NTRK2: variants seen among roughly 807,000 people sequenced by gnomAD.
The protein encoded by NTRK2 is neurotrophic receptor tyrosine kinase 2.
A neutral mutation model predicts 94.5 loss-of-function variants in NTRK2; 13 were observed. The observed-to-expected ratio is 0.14, with a 90% CI of 0.09 to 0.22. The LOEUF (loss-of-function observed/expected upper bound fraction) is 0.22, where lower values mean the gene tolerates loss of function less well. NTRK2 is among the 10% of genes least tolerant of loss of function. NTRK2 has a pLI of 1.00. For missense variants in NTRK2, 639 were observed against 1,071.2 expected, an observed-to-expected ratio of 0.60 and a Z score of 5.63; for synonymous variants, 372 against 407.4, an observed-to-expected ratio of 0.91 and a Z score of 1.05.
intron 17 of NTRK2, among the ~76,000 whole-genome samples, chr9:84,987,054 G>A (rs1828406918): frequency 6.6e-6 from 1 of 152,156 alleles, no homozygotes; most frequent in African/African-American, 2.4e-5. Flanking sequence ...CTATAAATGG[G>A]ATCATATATT....
chr9:84,933,208 C>T (rs2078099738), intron 14 of NTRK2, among the ~76,000 whole-genome samples: 1 of 152,332 alleles, frequency 6.6e-6, no homozygotes, highest in Non-Finnish European at 1.5e-5. Context: ...CAAGACCCAG[C>T]GGAACTCCCG....
At chr9:84,995,136 C>T (rs1004891643) in intron 17 of NTRK2, among the ~76,000 whole-genome samples, 1 of 152,172 alleles carries the variant, frequency 6.6e-6, no homozygotes. Context: ...CTGCAAGGGC[C>T]TTCCCTAAGA....
intron 12 of NTRK2, among the ~76,000 whole-genome samples, chr9:84,838,168 A>G (rs529870042): frequency 6.6e-6 from 1 of 152,306 alleles, no homozygotes; most frequent in Non-Finnish European, 1.5e-5. Flanking sequence ...AGACAATATA[A>G]TGGCAAACGT....
intron 14 of NTRK2, among the ~76,000 whole-genome samples, chr9:84,879,105 C>T (rs945206032): frequency 6.6e-6 from 1 of 151,962 alleles, no homozygotes; most frequent in Non-Finnish European, 1.5e-5. Flanking sequence ...GTATGTGACT[C>T]TCCAGAGTGA....
At chr9:84,813,693 G>T (rs201618686) in intron 12 of NTRK2, 1 of 1,066,084 alleles carries the variant, frequency 9.4e-7, no homozygotes, top group Non-Finnish European at 1.1e-6. Context: ...TCCCTGGTTG[G>T]TCCTACTCCC....
chr9:84,697,080 C>T lies in NTRK2; in HGVS notation c.213-5079C>T, dbSNP rs529361436. 9.9e-5 allele frequency among the ~76,000 whole-genome samples: 15 copies of T among 152,248 alleles called. No homozygotes were observed. The South Asian group carries it at 2.7e-3, about 27-fold the overall frequency. Reference sequence around the variant, plus strand: ...AGGGCCAGGGACCCTGAGGGACTGACGAGGTGAGAGAAATTCCTAAGGAGT... The same window carrying T: ...AGGGCCAGGGACCCTGAGGGACTGATGAGGTGAGAGAAATTCCTAAGGAGT... On this transcript the variant is annotated intron_variant, in intron 2 of 18. Coordinates refer to ENST00000277120, the MANE Select transcript of NTRK2 (RefSeq NM_006180.6).
At chr9:84,793,994 T>C (rs1349117234) in intron 12 of NTRK2, among the ~76,000 whole-genome samples, 1 of 152,240 alleles carries the variant, frequency 6.6e-6, no homozygotes, top group Non-Finnish European at 1.5e-5. Flanking sequence ...ACCTCTTCTA[T>C]GCAAAATGGA....
At chr9:84,684,043 G>T (rs1280709305) in intron 2 of NTRK2, among the ~76,000 whole-genome samples, 28 of 151,040 alleles carry the variant, frequency 1.9e-4, no homozygotes, top group African/African-American at 5.8e-4. Flanking sequence ...TTTTTTATGG[G>T]TTTTTTTTTC....
chr9:84,845,501 G>A (rs1017520317), intron 12 of NTRK2, among the ~76,000 whole-genome samples: 5 of 152,200 alleles, frequency 3.3e-5, no homozygotes, highest in Non-Finnish European at 4.4e-5. Flanking sequence ...ATTTGACAAC[G>A]CTTAATTGTG....
At chr9:84,934,099 T>G in intron 14 of NTRK2, 63 bp from the exon 15 acceptor site, 1 of 1,603,150 alleles carries the variant, frequency 6.2e-7, no homozygotes, top group South Asian at 1.1e-5. Flanking sequence ...CACCAACTCT[T>G]CACCCGCTGC....
At position 84,955,728 on chromosome 9, in the gene NTRK2, G is replaced by A. The variant is rs73651156; in HGVS notation, c.2172+211G>A. ...TGAGGCCTCGCTCCTTGGCTTGCAG[G>A]TGGCTGCCTTCTCACTATGCCCTCA... On this transcript the variant is annotated intron_variant, in intron 17 of 18. Coordinates refer to ENST00000277120, the MANE Select transcript of NTRK2 (RefSeq NM_006180.6). 8.7e-3 allele frequency: 5,636 copies of A among 647,944 alleles called. 242 individuals are homozygous for A. The African/African-American group carries it at 0.09, about 10-fold the overall frequency. The allele number at this position is 647,944 out of a possible 1,614,324, so 40.1% of individuals were successfully genotyped here.
chr9:84,900,269 G>A (rs1428450270), intron 14 of NTRK2, among the ~76,000 whole-genome samples: 1 of 152,188 alleles, frequency 6.6e-6, no homozygotes, highest in Non-Finnish European at 1.5e-5. Context: ...TATTCATAGA[G>A]TGACTAGTTC....
At chr9:84,927,306 A>G (rs2077855914) in intron 14 of NTRK2, among the ~76,000 whole-genome samples, 1 of 152,128 alleles carries the variant, frequency 6.6e-6, no homozygotes, top group African/African-American at 2.4e-5. Flanking sequence ...TTCAGTTATT[A>G]TTACAGTTTT....
At chr9:84,712,577 G>T (rs151289770) in intron 6 of NTRK2, among the ~76,000 whole-genome samples, 1 of 152,204 alleles carries the variant, frequency 6.6e-6, no homozygotes, top group Non-Finnish European at 1.5e-5. Flanking sequence ...GAAGAGTGTG[G>T]CAAGTGAATC....
At chr9:84,995,304 A>G (rs1231997642) in intron 17 of NTRK2, among the ~76,000 whole-genome samples, 1 of 151,804 alleles carries the variant, frequency 6.6e-6, no homozygotes, top group Non-Finnish European at 1.5e-5. Flanking sequence ...TTTTTCCCCC[A>G]GAACAGTTAC....
At chr9:84,782,808 A>G (rs138549337) in intron 12 of NTRK2, among the ~76,000 whole-genome samples, 150 of 152,302 alleles carry the variant, frequency 9.8e-4, no homozygotes, top group African/African-American at 3.5e-3. Context: ...GAAAGGACTT[A>G]GAGATATGTT....
intron 17 of NTRK2, among the ~76,000 whole-genome samples, chr9:85,004,013 GAA>G (rs1830617433): frequency 3.0e-5 from 2 of 66,328 alleles, no homozygotes; most frequent in South Asian, 4.5e-4. Flanking sequence ...AGAAAGAAAA[GAA>G]AGAGAGAAAG....
At chr9:84,779,555 A>C (rs1241294220) in intron 12 of NTRK2, among the ~76,000 whole-genome samples, 2 of 152,232 alleles carry the variant, frequency 1.3e-5, no homozygotes, top group Admixed American at 1.3e-4. Context: ...AATTAGCTTC[A>C]AAAGAGTTTT....
At chr9:84,815,082 A>G (rs1588790544) in intron 12 of NTRK2, 5 of 1,058,718 alleles carry the variant, frequency 4.7e-6, no homozygotes, top group East Asian at 5.2e-5. Context: ...AAGTTCCATG[A>G]CAATGACTGT....
Sources: gnomAD v4.1 joint callset for allele counts (sites outside exome capture counted in the v4.1 genomes callset) on GRCh38, gnomAD v4.1.1 for gene constraint, MANE v1.5 for transcripts, NCBI Gene and HGNC (gene_info 2026-07-23, HGNC 2026-07-21) for gene names.